The following WDR88 variants were observed in gnomAD, a reference collection of about 807,000 sequenced individuals.
The protein encoded by WDR88 is WD repeat domain 88.
Under a neutral mutation model 46.8 loss-of-function variants are expected in WDR88, and 40 were observed. The observed-to-expected ratio is 0.86, with a 90% confidence interval of 0.66 to 1.11. WDR88 has a LOEUF of 1.11. Among genes scored for constraint, WDR88 ranks in the 50% most tolerant of loss-of-function variants. The pLI is 0.00. For synonymous variants in WDR88, 235 were observed against 240.7 expected (o/e 0.98, Z 0.22); for missense variants, 562 against 602.4 (o/e 0.93, Z 0.70).
intron 3 of WDR88, among the ~76,000 whole-genome samples, chr19:33,146,040 A>G (rs1044582653): frequency 6.6e-6 from 1 of 152,040 alleles, no homozygotes; most frequent in Non-Finnish European, 1.5e-5. Context: ...TTAGGAGAGG[A>G]AAACAGCTGG....
chr19:33,172,589 A>C (rs1194848312), intron 10 of WDR88, 149 bp downstream of exon 10: 1 of 645,920 alleles, frequency 1.5e-6, no homozygotes, highest in East Asian at 2.8e-5. Flanking sequence ...TTAAATTCTA[A>C]GAGAGGAAAC....
At chr19:33,172,203 G>T in intron 9 of WDR88, 145 bp from the exon 10 acceptor site, 1 of 646,040 alleles carries the variant, frequency 1.5e-6, no homozygotes. Flanking sequence ...CTTCAGGTTG[G>T]CTTCTATGGC....
At chr19:33,152,002 G>C (rs1307441095) in intron 6 of WDR88, among the ~76,000 whole-genome samples, 1 of 151,948 alleles carries the variant, frequency 6.6e-6, no homozygotes, top group African/African-American at 2.4e-5. Flanking sequence ...GAGGCCGAGT[G>C]GGGCGGATCA....
At chr19:33,165,235 G>A (rs1267773803) in intron 9 of WDR88, among the ~76,000 whole-genome samples, 1 of 152,106 alleles carries the variant, frequency 6.6e-6, no homozygotes, top group Non-Finnish European at 1.5e-5. Context: ...GGGGGTCGGG[G>A]ACCCCTTTAT....
chr19:33,148,132 C>T (rs1973557518), intron 4 of WDR88, among the ~76,000 whole-genome samples: 1 of 152,026 alleles, frequency 6.6e-6, no homozygotes, highest in South Asian at 2.1e-4. Context: ...AACCAGGGTT[C>T]TGGCCCTTAC....
intron 1 of WDR88, 40 bp downstream of exon 1, chr19:33,132,485 C>A (rs763551484): frequency 5.6e-5 from 90 of 1,602,752 alleles, no homozygotes; most frequent in Non-Finnish European, 7.6e-5. Flanking sequence ...CTGGCCTGTT[C>A]CCCACACGGG....
At chr19:33,145,179 G>C (rs112181510) in intron 3 of WDR88, among the ~76,000 whole-genome samples, 4,388 of 152,064 alleles carry the variant, frequency 0.029, 204 homozygotes, top group African/African-American at 0.1. Context: ...TATTTAGACA[G>C]GATTCTGCTC....
intron 5 of WDR88, among the ~76,000 whole-genome samples, chr19:33,150,278 C>T (rs1046043832): frequency 2.0e-5 from 3 of 151,874 alleles, no homozygotes; most frequent in Non-Finnish European, 4.4e-5. Flanking sequence ...ATGGTGAAAC[C>T]CTGTCTCTAC....
intron 1 of WDR88, among the ~76,000 whole-genome samples, chr19:33,133,281 C>T (rs1283299928): frequency 2.0e-5 from 3 of 152,008 alleles, no homozygotes; most frequent in African/African-American, 7.2e-5. Flanking sequence ...GGTGCAGTGG[C>T]TCATGTCTGT....
At chr19:33,146,464 TTTCC>T (rs58822460) in intron 3 of WDR88, among the ~76,000 whole-genome samples, 4,409 of 109,304 alleles carry the variant, frequency 0.04, 272 homozygotes, top group African/African-American at 0.18. Flanking sequence ...TCCTTCCTTC[TTTCC>T]TTCCTTCCTT....
chr19:33,161,199 A>G (rs1038522744), intron 8 of WDR88, among the ~76,000 whole-genome samples: 2 of 152,132 alleles, frequency 1.3e-5, no homozygotes, highest in African/African-American at 4.8e-5. Flanking sequence ...AACAAAAAAC[A>G]GAAATTACCT....
intron 3 of WDR88, among the ~76,000 whole-genome samples, chr19:33,146,481 T>G (rs1293117467): frequency 2.3e-5 from 2 of 86,700 alleles, no homozygotes; most frequent in African/African-American, 9.2e-5. Flanking sequence ...CCTTCCTTCC[T>G]TCCTTCCTTC....
Position 33,141,237 on chromosome 19 carries a change from T to TTTTTTGTTG in WDR88, c.387+3453_387+3454insTTGTTGTTT, listed in dbSNP as rs922427558. On this transcript the variant is annotated intron_variant, in intron 2 of 10. Coordinates refer to ENST00000355868, the MANE Select transcript of WDR88 (RefSeq NM_173479.4). ...CAGGTGTGGGAGCATGTTTTTTTTT[T>TTTTTTGTTG]TTTCTTTTTTGACACAGGATCTCAC... is the stretch of plus-strand genomic sequence containing the variant. Among the ~76,000 whole-genome samples, 2 of 143,442 alleles carry TTTTTTGTTG rather than the reference T, an allele frequency of 1.4e-5. 1 individual carries two copies. The highest frequency in any genetic ancestry group is 5.6e-5 in the African/African-American group (2 of 35,572). 94.1% of individuals were successfully genotyped at this position (143,442 alleles called of 152,430 possible).
chr19:33,147,552 G>C, intron 3 of WDR88, 93 bp from the exon 4 acceptor site: 2 of 1,207,172 alleles, frequency 1.7e-6, no homozygotes. Flanking sequence ...GCAGTGAGCC[G>C]GTATTGCACC....
At chr19:33,141,099 G>T (rs1223622990) in intron 2 of WDR88, among the ~76,000 whole-genome samples, 2 of 151,398 alleles carry the variant, frequency 1.3e-5, no homozygotes, top group Admixed American at 6.6e-5. Flanking sequence ...ACCATGCCTG[G>T]CTAATTTTTT....
At chr19:33,168,814 G>A (rs938418820) in intron 9 of WDR88, among the ~76,000 whole-genome samples, 1 of 151,956 alleles carries the variant, frequency 6.6e-6, no homozygotes, top group Non-Finnish European at 1.5e-5. Flanking sequence ...AGAATAAGAG[G>A]GAGAAGGAGA....
At chr19:33,162,208 GT>G (rs970853905) in intron 8 of WDR88, among the ~76,000 whole-genome samples, 53 of 150,284 alleles carry the variant, frequency 3.5e-4, no homozygotes, top group African/African-American at 1.1e-3. Context: ...TTTTTTGTTT[GT>G]TTTTTTTTGA....
At position 33,175,518 on chromosome 19, in the gene WDR88, A is replaced by G. The variant is rs1974108961; in HGVS notation, c.1365A>G (p.Ser455=). The part of the protein sequence containing the change: ...RGLPADTSSS[S]SSSERENSPP... ...TGCCAGCAGATACTTCATCGTCATC[A>G]TCATCATCGGAAAGGGAGAACTCAC... The change falls in exon 11 of 11, where the codon TCA becomes TCG. Residue 455 remains serine (S), a synonymous_variant. Transcript: ENST00000355868. 1.9e-6 allele frequency: 3 copies of G among 1,614,080 alleles called. No homozygotes were observed. The highest frequency in any genetic ancestry group is 2.5e-6 in the Non-Finnish European group (3 of 1,180,036).
intron 10 of WDR88, among the ~76,000 whole-genome samples, chr19:33,175,187 A>G (rs928103918): frequency 6.6e-6 from 1 of 152,156 alleles, no homozygotes; most frequent in African/African-American, 2.4e-5. Context: ...GTAAGCCTAG[A>G]TGGTGCCACT....
Sources: allele counts gnomAD v4.1 joint callset (sites outside exome capture counted in the v4.1 genomes callset), GRCh38; gene constraint gnomAD v4.1.1; transcripts MANE v1.5; gene names NCBI Gene and HGNC (gene_info 2026-07-23, HGNC 2026-07-21).